GFPT2: variants seen among roughly 807,000 people sequenced by gnomAD.
The protein encoded by GFPT2 is glutamine--fructose-6-phosphate aminotransferase [isomerizing] 2.
In GFPT2, 62 loss-of-function variants were observed where a neutral mutation model predicts 85.6. The ratio of observed to expected loss-of-function variants is 0.72; its 90% CI spans 0.59 to 0.90. The LOEUF (loss-of-function observed/expected upper bound fraction) is 0.90, where lower values mean the gene tolerates loss of function less well. GFPT2 is among the 40% of genes least tolerant of loss of function. The probability of loss-of-function intolerance (pLI) is 0.00; values close to 1 mark genes in which losing one functional copy is unlikely to be tolerated. For missense variants in GFPT2, 788 were observed against 893.4 expected, an observed-to-expected ratio of 0.88 and a Z score of 1.50; for synonymous variants, 368 against 344.5, an observed-to-expected ratio of 1.07 and a Z score of -0.75.
At chr5:180,332,777 C>G (rs1049827173) in intron 4 of GFPT2, among the ~76,000 whole-genome samples, 1 of 152,060 alleles carries the variant, frequency 6.6e-6, no homozygotes, top group African/African-American at 2.4e-5. Context: ...TGACCTCAGG[C>G]GATCCACCCA....
At chr5:180,340,213 T>C (rs1450069132) in intron 1 of GFPT2, among the ~76,000 whole-genome samples, 1 of 152,040 alleles carries the variant, frequency 6.6e-6, no homozygotes, top group Non-Finnish European at 1.5e-5. Context: ...TTTTTGTTGT[T>C]TTTCTTTTTT....
chr5:180,308,449 A>C (rs12516159), intron 15 of GFPT2, among the ~76,000 whole-genome samples: 52,180 of 152,018 alleles, frequency 0.34, 9,446 homozygotes, highest in East Asian at 0.49. Context: ...TGTTGACTCT[A>C]ATATCTGCTT....
rs7701459 is a variant in GFPT2, at chr5:180,305,240, C to A, written c.1675-301G>T. On this transcript the variant is annotated intron_variant, in intron 16 of 18. Transcript: ENST00000253778. ...TCCCACGCACAGCCACCCCTTAGGA[C>A]AAACAAGTCGGAGTCAGCCTAGCTC... 0.22 allele frequency among the ~76,000 whole-genome samples: 34,091 copies of A among 152,064 alleles called. 4,016 individuals carry two copies. Among genetic ancestry groups the A allele is most frequent in the East Asian group, 0.45 (2,292 of 5,146 alleles).
rs11322913 is a variant in GFPT2, at chr5:180,348,732, C to CT, written c.7+4478dup. Among the ~76,000 whole-genome samples the CT allele has an allele frequency of 6.5e-3, 902 of 139,750 alleles. 13 individuals are homozygous for CT. Among genetic ancestry groups the CT allele is most frequent in the South Asian group, 0.049 (218 of 4,408 alleles). The allele number at this position is 139,750 out of a possible 152,430, so 91.7% of individuals were successfully genotyped here. A position where few individuals can be genotyped will look rare whatever the true frequency, so the allele number is the denominator to read the frequency against. On this transcript the variant is annotated intron_variant, in intron 1 of 18. Coordinates refer to ENST00000253778, the MANE Select transcript of GFPT2 (RefSeq NM_005110.4). The stretch of plus-strand genomic sequence containing the variant: ...GTAACCTGGACAGGACATTTCTTTT[C>CT]TTTTTTTTTTTTTTTGTTTTCTTTT...
At chr5:180,336,419 C>T (rs1392748269) in intron 3 of GFPT2, 60 bp downstream of exon 3, 5 of 893,762 alleles carry the variant, frequency 5.6e-6, no homozygotes, top group Non-Finnish European at 7.7e-6. Flanking sequence ...TGTTGGAATA[C>T]GGTCCTAGAA....
chr5:180,346,552 G>A (rs771668543), intron 1 of GFPT2, among the ~76,000 whole-genome samples: 1 of 152,188 alleles, frequency 6.6e-6, no homozygotes, highest in East Asian at 1.9e-4. Context: ...CGGGCCCACC[G>A]CGTGACGTCA....
chr5:180,312,079 GGACCAGGGAGGCAGGGAGGC>G (rs1763901537), intron 15 of GFPT2, among the ~76,000 whole-genome samples: 1 of 79,074 alleles, frequency 1.3e-5, no homozygotes, highest in African/African-American at 4.5e-5. Flanking sequence ...GGGAGGCTGA[GGACCAGGGAGGCAGGGAGGC>G]TGAGGACCAG....
At chr5:180,303,439 G>GGCGGGC (rs1763718569) in intron 17 of GFPT2, among the ~76,000 whole-genome samples, 3 of 152,236 alleles carry the variant, frequency 2.0e-5, no homozygotes, top group Admixed American at 6.5e-5. Context: ...AAGGCCCGGA[G>GGCGGGC]GCGGGCGCGG....
intron 17 of GFPT2, among the ~76,000 whole-genome samples, chr5:180,303,057 G>A (rs1763708971): frequency 6.9e-6 from 1 of 145,532 alleles, no homozygotes; most frequent in Non-Finnish European, 1.6e-5. Context: ...GTGAAACCCT[G>A]TCTCTACTAA....
intron 7 of GFPT2, among the ~76,000 whole-genome samples, chr5:180,326,255 C>T (rs1443312598): frequency 6.6e-6 from 1 of 152,166 alleles, no homozygotes; most frequent in Admixed American, 6.5e-5. Flanking sequence ...GTGTGCCTTT[C>T]CCCTCTACAC....
intron 15 of GFPT2, among the ~76,000 whole-genome samples, chr5:180,310,345 T>G (rs1336219153): frequency 6.6e-6 from 1 of 151,148 alleles, no homozygotes; most frequent in Non-Finnish European, 1.5e-5. Flanking sequence ...TCAGGCGATC[T>G]GCCCACCTCG....
intron 4 of GFPT2, among the ~76,000 whole-genome samples, chr5:180,332,258 G>C (rs1263277662): frequency 8.1e-6 from 1 of 124,196 alleles, no homozygotes; most frequent in East Asian, 2.0e-4. Context: ...GGGGGAGCAG[G>C]GGGATGCGGG....
intron 2 of GFPT2, 115 bp downstream of exon 2, chr5:180,338,378 G>A (rs1764443726): frequency 8.4e-6 from 4 of 477,198 alleles, no homozygotes; most frequent in East Asian, 6.7e-5. Flanking sequence ...GAAAAGAGAC[G>A]TTAAAAAGTA....
chr5:180,307,111 G>C (rs1198548758), intron 16 of GFPT2, 65 bp downstream of exon 16: 1 of 1,382,956 alleles, frequency 7.2e-7, no homozygotes, highest in African/African-American at 1.4e-5. Context: ...CCTCCTTCCC[G>C]CTGGCTCCTC....
At chr5:180,343,855 C>T (rs1167723336) in intron 1 of GFPT2, among the ~76,000 whole-genome samples, 1 of 152,254 alleles carries the variant, frequency 6.6e-6, no homozygotes, top group Non-Finnish European at 1.5e-5. Flanking sequence ...AGAGTTTAAA[C>T]TCACATACCC....
intron 1 of GFPT2, chr5:180,352,990 T>C (rs1278702828): frequency 5.2e-6 from 2 of 383,696 alleles, no homozygotes; most frequent in Non-Finnish European, 9.1e-6. Context: ...AGGAGTCGGG[T>C]TGGGCATCCC....
At chr5:180,312,289 C>T (rs1763909180) in intron 15 of GFPT2, 141 bp downstream of exon 15, 3 of 641,268 alleles carry the variant, frequency 4.7e-6, no homozygotes, top group Non-Finnish European at 8.5e-6. Flanking sequence ...AGCAAGGCCT[C>T]CAGGAGGGAG....
intron 3 of GFPT2, chr5:180,336,268 C>T (rs1420485957): frequency 3.3e-6 from 2 of 605,710 alleles, no homozygotes; most frequent in Non-Finnish European, 5.9e-6. Context: ...TAACCCTTCA[C>T]ACTTAAAAAA....
At chr5:180,331,299 CCT>C (rs1217951225) in intron 5 of GFPT2, 194 bp downstream of exon 5, 1 of 590,266 alleles carries the variant, frequency 1.7e-6, no homozygotes, top group Non-Finnish European at 3.0e-6. Flanking sequence ...ACACTAATGC[CCT>C]GTTATCTCCT....
Sources: gnomAD v4.1 joint callset for allele counts (sites outside exome capture counted in the v4.1 genomes callset) on GRCh38, gnomAD v4.1.1 for gene constraint, MANE v1.5 for transcripts, NCBI Gene and HGNC (gene_info 2026-07-23, HGNC 2026-07-21) for gene names.